MYCBP2: variants seen among roughly 807,000 people sequenced by gnomAD.
MYCBP2 encodes MYC binding protein 2, also known as E3 ubiquitin-protein ligase MYCBP2.
MYCBP2 carries 120 observed loss-of-function variants against 525.3 expected under a neutral mutation model. The ratio of observed to expected loss-of-function variants is 0.23; its 90% CI spans 0.20 to 0.27. The LOEUF (loss-of-function observed/expected upper bound fraction) is 0.27, where lower values mean the gene tolerates loss of function less well. Ranked by LOEUF, MYCBP2 falls within the 10% of genes least tolerant of loss-of-function variation. The probability of loss-of-function intolerance (pLI) is 1.00; values close to 1 mark genes in which losing one functional copy is unlikely to be tolerated. For synonymous variants in MYCBP2, 1,894 were observed against 1,955.8 expected, an observed-to-expected ratio of 0.97 and a Z score of 0.83; for missense variants, 4,149 against 5,657.1, an observed-to-expected ratio of 0.73 and a Z score of 8.55.
At chr13:77,197,607 T>C (rs2061892387) in intron 26 of MYCBP2, among the ~76,000 whole-genome samples, 1 of 152,144 alleles carries the variant, frequency 6.6e-6, no homozygotes, top group African/African-American at 2.4e-5. Context: ...AGAATGCATA[T>C]ACGAATATGT....
chr13:77,303,941 G>C (rs544490159), intron 1 of MYCBP2, among the ~76,000 whole-genome samples: 1 of 152,134 alleles, frequency 6.6e-6, no homozygotes, highest in Non-Finnish European at 1.5e-5. Flanking sequence ...CCAAAAATTG[G>C]TTCTCTGAAA....
Position 77,058,832 on chromosome 13 carries a change from A to G in MYCBP2, c.13141-426T>C, listed in dbSNP as rs982929443. Among the ~76,000 whole-genome samples, 9 of 152,046 alleles carry G rather than the reference A, an allele frequency of 5.9e-5. No homozygotes were observed. The highest frequency in any genetic ancestry group is 1.0e-4 in the Non-Finnish European group (7 of 68,006). On this transcript the variant is annotated intron_variant, in intron 77 of 82. Transcript: ENST00000544440. The surrounding 1 kb of genome is among the most constrained non-coding windows in gnomAD (Gnocchi z 4.1). The stretch of plus-strand genomic sequence containing the variant: ...AAACCCCATCTCTACTAAAAATACA[A>G]AAATTAACCAGGCATGGTGGCGCGC...
intron 43 of MYCBP2, among the ~76,000 whole-genome samples, chr13:77,163,487 A>G (rs1341889492): frequency 6.6e-6 from 1 of 152,164 alleles, no homozygotes; most frequent in Non-Finnish European, 1.5e-5. Flanking sequence ...GTAAAGATGG[A>G]TTTTGGGGGG....
intron 26 of MYCBP2, among the ~76,000 whole-genome samples, chr13:77,200,929 T>G (rs1393832108): frequency 6.6e-6 from 1 of 152,064 alleles, no homozygotes; most frequent in African/African-American, 2.4e-5. Context: ...TACCAGCCAC[T>G]GCAAAATCAT....
intron 76 of MYCBP2, 109 bp from the exon 77 acceptor site, chr13:77,059,735 G>A: frequency 2.9e-6 from 2 of 680,878 alleles, no homozygotes; most frequent in South Asian, 1.7e-5. Context: ...GCTATCCTTG[G>A]GAAATCAGCC....
intron 14 of MYCBP2, among the ~76,000 whole-genome samples, chr13:77,254,211 C>T (rs1351995591): frequency 6.6e-6 from 1 of 151,574 alleles, no homozygotes; most frequent in East Asian, 1.9e-4. Flanking sequence ...CATCATTATG[C>T]AATATTATTT....
At chr13:77,258,266 T>C (rs1405443869) in intron 13 of MYCBP2, among the ~76,000 whole-genome samples, 1 of 152,212 alleles carries the variant, frequency 6.6e-6, no homozygotes, top group Non-Finnish European at 1.5e-5. Flanking sequence ...CAGTGAGACT[T>C]TTCAAAACAG....
At chr13:77,131,334 CAG>C (rs1167868625) in intron 52 of MYCBP2, among the ~76,000 whole-genome samples, 10 of 151,972 alleles carry the variant, frequency 6.6e-5, no homozygotes, top group African/African-American at 2.4e-4. Context: ...CTGGATAAGA[CAG>C]AGAGACCTCG....
intron 31 of MYCBP2, 58 bp from the exon 32 acceptor site, chr13:77,185,435 C>CAATCAAT: frequency 6.6e-7 from 1 of 1,513,272 alleles, no homozygotes; most frequent in South Asian, 1.3e-5. Flanking sequence ...TGCATGAAAA[C>CAATCAAT]AATCAATATA....
At chr13:77,158,290 C>T (rs1458084543) in intron 44 of MYCBP2, among the ~76,000 whole-genome samples, 181 bp from the exon 45 acceptor site, 1 of 152,074 alleles carries the variant, frequency 6.6e-6, no homozygotes, top group Admixed American at 6.5e-5. Context: ...AAATATGAGA[C>T]AATATTTCCA....
chr13:77,275,533 C>T (rs2075438858), intron 4 of MYCBP2, among the ~76,000 whole-genome samples: 1 of 152,134 alleles, frequency 6.6e-6, no homozygotes, highest in Admixed American at 6.6e-5. Context: ...GTTAAAGACT[C>T]TCAGAAGGAG....
intron 60 of MYCBP2, among the ~76,000 whole-genome samples, chr13:77,089,259 G>A (rs2044922782): frequency 6.6e-6 from 1 of 152,054 alleles, no homozygotes; most frequent in Admixed American, 6.6e-5. Context: ...TTGAATCAGA[G>A]CTGAATCTAA....
intron 59 of MYCBP2, among the ~76,000 whole-genome samples, chr13:77,091,928 T>C (rs1314139223): frequency 6.6e-6 from 1 of 152,086 alleles, no homozygotes; most frequent in Admixed American, 6.6e-5. Flanking sequence ...CTAACTCTTT[T>C]AAAAAGTGTA....
rs539131865 is a variant in MYCBP2, at chr13:77,162,894, A to G, written c.6548-939T>C. ...ATGGTCTCAATTTCCTGACCTTGTGATCCACCCACCTTGGCCTCACAAAGT... is the reference window on the plus strand; with the variant it reads ...ATGGTCTCAATTTCCTGACCTTGTGGTCCACCCACCTTGGCCTCACAAAGT... On this transcript the variant is annotated intron_variant, in intron 43 of 82. Coordinates refer to ENST00000544440, the MANE Select transcript of MYCBP2 (RefSeq NM_015057.5). Among the ~76,000 whole-genome samples, 64 of 152,248 alleles carry G rather than the reference A, an allele frequency of 4.2e-4. 1 individual carries two copies. The highest frequency in any genetic ancestry group is 1.5e-4 in the Non-Finnish European group (10 of 68,014).
intron 38 of MYCBP2, among the ~76,000 whole-genome samples, chr13:77,171,165 T>C (rs2059108998): frequency 6.6e-6 from 1 of 152,064 alleles, no homozygotes; most frequent in African/African-American, 2.4e-5. Context: ...TAGCGATACA[T>C]TACTGGAAAA....
At chr13:77,185,759 GA>G in intron 31 of MYCBP2, 111 bp downstream of exon 31, 1 of 745,188 alleles carries the variant, frequency 1.3e-6, no homozygotes, top group Non-Finnish European at 2.1e-6. Context: ...CCTCATTTTA[GA>G]AGCAGCTTAA....
chr13:77,165,890 A>C (rs2058468156), intron 41 of MYCBP2, among the ~76,000 whole-genome samples: 1 of 152,198 alleles, frequency 6.6e-6, no homozygotes, highest in Non-Finnish European at 1.5e-5. Context: ...AATGCAACAA[A>C]CCATAAGTTT....
chr13:77,293,950 C>A (rs2077757133), intron 2 of MYCBP2, among the ~76,000 whole-genome samples: 1 of 151,298 alleles, frequency 6.6e-6, no homozygotes. Context: ...TTTAAACCAT[C>A]AAGTTTTTGT....
At chr13:77,136,356 C>T (rs759196724) in intron 52 of MYCBP2, among the ~76,000 whole-genome samples, 3 of 152,198 alleles carry the variant, frequency 2.0e-5, no homozygotes, top group Non-Finnish European at 2.9e-5. Flanking sequence ...TTTTCCAACT[C>T]TTTAACTATA....
Sources: allele counts gnomAD v4.1 joint callset (sites outside exome capture counted in the v4.1 genomes callset), GRCh38; gene constraint gnomAD v4.1.1; non-coding constraint Gnocchi (gnomAD v3.1); transcripts MANE v1.5; gene names NCBI Gene and HGNC (gene_info 2026-07-23, HGNC 2026-07-21).